ARHGEF28: variants seen among roughly 807,000 people sequenced by gnomAD.
ARHGEF28 encodes 190 kDa guanine nucleotide exchange factor.
ARHGEF28 carries 152 observed loss-of-function variants against 206.6 expected under a neutral mutation model. The ratio of observed to expected loss-of-function variants is 0.74; its 90% CI spans 0.64 to 0.84. The LOEUF is 0.84. Ranked by LOEUF, ARHGEF28 falls within the 40% of genes least tolerant of loss-of-function variation. The probability of loss-of-function intolerance (pLI) is 0.00; values close to 1 mark genes in which losing one functional copy is unlikely to be tolerated. For synonymous variants in ARHGEF28, 763 were observed against 776.4 expected, an observed-to-expected ratio of 0.98 and a Z score of 0.29; for missense variants, 2,028 against 2,073.2, an observed-to-expected ratio of 0.98 and a Z score of 0.42.
intron 7 of ARHGEF28, among the ~76,000 whole-genome samples, chr5:73,790,025 G>C (rs1231475551): frequency 6.6e-6 from 1 of 152,162 alleles, no homozygotes; most frequent in Non-Finnish European, 1.5e-5. Flanking sequence ...CGGTAGAAAA[G>C]TTTTCACAGT....
chr5:73,851,636 G>A (rs1262140266), intron 13 of ARHGEF28, among the ~76,000 whole-genome samples: 2 of 152,124 alleles, frequency 1.3e-5, no homozygotes, highest in South Asian at 2.1e-4. Context: ...AACGTTGTGA[G>A]CTGATGGATG....
At chr5:73,671,879 C>T (rs1446131612) in intron 1 of ARHGEF28, among the ~76,000 whole-genome samples, 2 of 149,614 alleles carry the variant, frequency 1.3e-5, no homozygotes, top group Non-Finnish European at 3.0e-5. Context: ...CCTCAGCCTC[C>T]AGAGTAGCTG....
At chr5:73,709,685 A>G (rs1749133539) in intron 2 of ARHGEF28, among the ~76,000 whole-genome samples, 1 of 152,282 alleles carries the variant, frequency 6.6e-6, no homozygotes. Flanking sequence ...CACCTGGGGT[A>G]TGACTGCCCT....
chr5:73,652,745 C>T (rs1188860688), intron 1 of ARHGEF28, among the ~76,000 whole-genome samples: 1 of 152,206 alleles, frequency 6.6e-6, no homozygotes, highest in Non-Finnish European at 1.5e-5. Flanking sequence ...CCACAGATCT[C>T]ACTTAATCCT....
In ARHGEF28 at chr5:73,858,586, C is replaced by T. The variant is rs548037217; in HGVS notation, c.2047+367C>T. 5.3e-5 allele frequency among the ~76,000 whole-genome samples: 8 copies of T among 152,300 alleles called. No homozygotes were observed. In the East Asian group the frequency reaches 1.4e-3, roughly 26 times the overall value. On this transcript the variant is annotated intron_variant, in intron 16 of 35. Transcript: ENST00000513042. Reference sequence around the variant, plus strand: ...AGTACATCTTTATACCTCCCATTTTCTCACATCCCACATCCAATCCATCAA... The same window carrying T: ...AGTACATCTTTATACCTCCCATTTTTTCACATCCCACATCCAATCCATCAA...
At chr5:73,846,007 A>AAAAG (rs1310500522) in intron 11 of ARHGEF28, among the ~76,000 whole-genome samples, 17 of 138,864 alleles carry the variant, frequency 1.2e-4, no homozygotes, top group Non-Finnish European at 1.9e-4. Flanking sequence ...AAAAAAAAAA[A>AAAAG]AAAGAAAGAA....
At chr5:73,858,445 T>C (rs909298422) in intron 16 of ARHGEF28, among the ~76,000 whole-genome samples, 4 of 152,220 alleles carry the variant, frequency 2.6e-5, no homozygotes, top group Admixed American at 2.6e-4. Context: ...CTGGGATGTC[T>C]AAAGAGCGTC....
intron 2 of ARHGEF28, among the ~76,000 whole-genome samples, chr5:73,733,354 G>A (rs1750722106): frequency 6.6e-6 from 1 of 152,184 alleles, no homozygotes; most frequent in Non-Finnish European, 1.5e-5. Context: ...TCCATTTTCA[G>A]ATGAGGAAAG....
chr5:73,936,972 T>C (rs1489061837), intron 35 of ARHGEF28, among the ~76,000 whole-genome samples: 1 of 152,190 alleles, frequency 6.6e-6, no homozygotes, highest in East Asian at 1.9e-4. Flanking sequence ...AGAATGATGA[T>C]AATGGTGAGC....
intron 7 of ARHGEF28, among the ~76,000 whole-genome samples, chr5:73,793,122 A>G (rs1754584130): frequency 6.6e-6 from 1 of 152,214 alleles, no homozygotes. Flanking sequence ...AGAAGCTAAT[A>G]TGCATTATAA....
rs149820674 is a variant in ARHGEF28, at chr5:73,828,814, C to T, written c.1025-3524C>T. ...CTTTCTTCCTTCCTTTCCTTCTTTT[C>T]CTTTTTCCTTTTTCTTCTTTGAGAC... On this transcript the variant is annotated intron_variant, in intron 9 of 35. Coordinates refer to ENST00000513042, the MANE Select transcript of ARHGEF28 (RefSeq NM_001177693.2). Among the ~76,000 whole-genome samples, 480 of 151,054 alleles carry T rather than the reference C, an allele frequency of 3.2e-3. 1 individual carries two copies. Among genetic ancestry groups the T allele is most frequent in the Middle Eastern group, 0.014 (4 of 292 alleles).
At chr5:73,842,325 G>A (rs571331687) in intron 11 of ARHGEF28, among the ~76,000 whole-genome samples, 1 of 152,320 alleles carries the variant, frequency 6.6e-6, no homozygotes, top group African/African-American at 2.4e-5. Flanking sequence ...AGGTGAATGA[G>A]TATTCAGCAG....
chr5:73,655,453 G>A (rs1561312075), intron 1 of ARHGEF28, among the ~76,000 whole-genome samples: 1 of 152,032 alleles, frequency 6.6e-6, no homozygotes, highest in African/African-American at 2.4e-5. Flanking sequence ...ATCTGCATAG[G>A]CCCATGCAAG....
At chr5:73,781,176 G>T (rs114327479) in intron 7 of ARHGEF28, among the ~76,000 whole-genome samples, 1 of 152,082 alleles carries the variant, frequency 6.6e-6, no homozygotes, top group African/African-American at 2.4e-5. Context: ...TCATCACGAG[G>T]GTCGGGGGAC....
At chr5:73,716,201 C>G (rs1382390078) in intron 2 of ARHGEF28, among the ~76,000 whole-genome samples, 1 of 152,096 alleles carries the variant, frequency 6.6e-6, no homozygotes, top group Non-Finnish European at 1.5e-5. Context: ...CCTAACCAGT[C>G]ATGATTCTGT....
chr5:73,697,777 A>G (rs1430942552), intron 2 of ARHGEF28, among the ~76,000 whole-genome samples: 2 of 152,186 alleles, frequency 1.3e-5, no homozygotes, highest in African/African-American at 4.8e-5. Flanking sequence ...TGAAGTTACT[A>G]CCTTAGTTGA....
At chr5:73,860,901 T>G (rs1759357330) in intron 16 of ARHGEF28, among the ~76,000 whole-genome samples, 2 of 152,156 alleles carry the variant, frequency 1.3e-5, no homozygotes, top group Non-Finnish European at 2.9e-5. Flanking sequence ...TCCGTTGCCC[T>G]TTCCTCCCAC....
chr5:73,768,536 A>G (rs553202076), intron 4 of ARHGEF28, among the ~76,000 whole-genome samples: 1 of 152,272 alleles, frequency 6.6e-6, no homozygotes, highest in African/African-American at 2.4e-5. Flanking sequence ...TAGGGCCTGT[A>G]GCCTCTTTGT....
chr5:73,704,913 A>T (rs184253095), intron 2 of ARHGEF28, among the ~76,000 whole-genome samples: 4 of 152,238 alleles, frequency 2.6e-5, no homozygotes, highest in African/African-American at 9.6e-5. Flanking sequence ...GCTCACTGGG[A>T]TGTTATCCTG....
Sources: allele counts gnomAD v4.1 joint callset (sites outside exome capture counted in the v4.1 genomes callset), GRCh38; gene constraint gnomAD v4.1.1; transcripts MANE v1.5; gene names NCBI Gene and HGNC (gene_info 2026-07-23, HGNC 2026-07-21).